The following GNAL variants were observed in gnomAD, a reference collection of about 807,000 sequenced individuals.
GNAL encodes G protein subunit alpha L, also known as guanine nucleotide-binding protein G(olf) subunit alpha.
A neutral mutation model predicts 55.1 loss-of-function variants in GNAL; 18 were observed. The observed-to-expected ratio is 0.33, with a 90% confidence interval of 0.23 to 0.48. The LOEUF is 0.48. GNAL is among the 20% of genes least tolerant of loss of function. The probability of loss-of-function intolerance (pLI) is 0.99; values close to 1 mark genes in which losing one functional copy is unlikely to be tolerated. For missense variants in GNAL, 412 were observed against 614.1 expected (o/e 0.67, Z 3.48); for synonymous variants, 253 against 237.0 (o/e 1.07, Z -0.62).
At position 11,862,698 on chromosome 18, in the gene GNAL, T is replaced by C. The variant is rs787554; in HGVS notation, c.777+249T>C. 0.68 allele frequency among the ~76,000 whole-genome samples: 103,563 copies of C among 151,936 alleles called. 37,654 individuals carry two copies. Among genetic ancestry groups the C allele is most frequent in the East Asian group, 0.9 (4,652 of 5,150 alleles). Reference sequence around the variant, plus strand: ...AATGAGTTTATCTGCAGATAAGGAATATGCCGTTCCTTTTCCTCCTGGAGC... The same window carrying C: ...AATGAGTTTATCTGCAGATAAGGAACATGCCGTTCCTTTTCCTCCTGGAGC... On this transcript the variant is annotated intron_variant, in intron 6 of 11. Transcript: ENST00000334049.
At chr18:11,786,348 A>G (rs2034055114) in intron 4 of GNAL, among the ~76,000 whole-genome samples, 1 of 148,434 alleles carries the variant, frequency 6.7e-6, no homozygotes, top group Admixed American at 6.7e-5. Context: ...AATTCATTTT[A>G]GAGGGTCAGA....
intron 4 of GNAL, among the ~76,000 whole-genome samples, chr18:11,760,831 C>G (rs2033216153): frequency 6.6e-6 from 1 of 152,214 alleles, no homozygotes; most frequent in African/African-American, 2.4e-5. Context: ...TGTTCAAATT[C>G]TAGCCCTGCC....
chr18:11,832,551 A>C (rs2035407809), intron 5 of GNAL, among the ~76,000 whole-genome samples: 1 of 152,184 alleles, frequency 6.6e-6, no homozygotes, highest in Non-Finnish European at 1.5e-5. Flanking sequence ...AATTTTTTGA[A>C]GGTCATTTTA....
At chr18:11,862,176 A>T (rs1159057544) in intron 5 of GNAL, among the ~76,000 whole-genome samples, 1 of 152,010 alleles carries the variant, frequency 6.6e-6, no homozygotes, top group Non-Finnish European at 1.5e-5. Context: ...GGCAACATTA[A>T]AAAAAAGAAA....
rs548917153 is a variant in GNAL, at chr18:11,810,150, G to T, written c.625-14768G>T. 2.0e-5 allele frequency among the ~76,000 whole-genome samples: 3 copies of T among 152,374 alleles called. No individual in the cohort carries two copies. The South Asian group carries it at 6.2e-4, about 32-fold the overall frequency. ...TCACGCCTATAATGTCAGCACTTTG[G>T]GAGGCCGAGACAGATGCATTGCTTG... is the stretch of plus-strand genomic sequence containing the variant. On this transcript the variant is annotated intron_variant, in intron 4 of 11. Coordinates refer to ENST00000334049, the MANE Select transcript of GNAL (RefSeq NM_182978.4).
chr18:11,814,573 T>C (rs1041325352), intron 4 of GNAL, among the ~76,000 whole-genome samples: 8 of 151,892 alleles, frequency 5.3e-5, no homozygotes, highest in Non-Finnish European at 1.2e-4. Flanking sequence ...AAACACCATA[T>C]GGTCTCATCA....
chr18:11,690,145 C>A (rs771173457), intron 1 of GNAL, among the ~76,000 whole-genome samples: 48 of 151,372 alleles, frequency 3.2e-4, no homozygotes, highest in Non-Finnish European at 4.9e-4. Context: ...CCTGACCTAG[C>A]CGGGAGGACA....
chr18:11,772,423 A>G (rs2033662161), intron 4 of GNAL, among the ~76,000 whole-genome samples: 1 of 152,190 alleles, frequency 6.6e-6, no homozygotes, highest in Non-Finnish European at 1.5e-5. Context: ...CTTCAATTCC[A>G]TGCCCATCAG....
chr18:11,744,811 A>T (rs1036963697), intron 1 of GNAL, among the ~76,000 whole-genome samples: 3 of 152,226 alleles, frequency 2.0e-5, no homozygotes, highest in African/African-American at 7.2e-5. Flanking sequence ...CCTGGGCTCC[A>T]GCAATCCTCC....
At chr18:11,712,475 C>T (rs73944242) in intron 1 of GNAL, among the ~76,000 whole-genome samples, 1,778 of 152,312 alleles carry the variant, frequency 0.012, 31 homozygotes, top group African/African-American at 0.041. Context: ...TATTTTGTTA[C>T]ATCAATTTTT....
At chr18:11,826,770 T>C (rs1029167668) in intron 5 of GNAL, among the ~76,000 whole-genome samples, 8 of 151,972 alleles carry the variant, frequency 5.3e-5, no homozygotes, top group African/African-American at 1.9e-4. Flanking sequence ...TTTGGAGAAG[T>C]TGAGTTTGAG....
chr18:11,820,979 C>T (rs1004954400), intron 4 of GNAL, among the ~76,000 whole-genome samples: 4 of 152,216 alleles, frequency 2.6e-5, no homozygotes, highest in Non-Finnish European at 5.9e-5. Context: ...TTCTCTCAGG[C>T]TTCAGCTCAA....
intron 5 of GNAL, among the ~76,000 whole-genome samples, chr18:11,838,955 C>G (rs2035554793): frequency 6.6e-6 from 1 of 152,158 alleles, no homozygotes; most frequent in African/African-American, 2.4e-5. Context: ...TTGTTCTTCT[C>G]CATGCAGTGC....
chr18:11,826,940 G>A (rs1436655295), intron 5 of GNAL, among the ~76,000 whole-genome samples: 1 of 152,174 alleles, frequency 6.6e-6, no homozygotes. Flanking sequence ...CCGCAGAGAG[G>A]CAAGGGCTCT....
chr18:11,807,847 T>G (rs186826456), intron 4 of GNAL, among the ~76,000 whole-genome samples: 1 of 152,130 alleles, frequency 6.6e-6, no homozygotes, highest in Non-Finnish European at 1.5e-5. Context: ...TGAGCAAAAG[T>G]GGCCATGATG....
At chr18:11,856,738 C>T (rs2036016142) in intron 5 of GNAL, among the ~76,000 whole-genome samples, 1 of 151,110 alleles carries the variant, frequency 6.6e-6, no homozygotes, top group African/African-American at 2.5e-5. Flanking sequence ...CCAGCCTGGC[C>T]AACAGGGTGA....
Position 11,884,719 on chromosome 18 carries a change from A to C in GNAL, c.*3584A>C. 1 of 1,415,164 alleles carries C rather than the reference A, an allele frequency of 7.1e-7. No homozygotes were observed. Among genetic ancestry groups the C allele is most frequent in the Non-Finnish European group, 9.7e-7 (1 of 1,029,526 alleles). 87.7% of individuals were successfully genotyped at this position (1,415,164 alleles called of 1,614,324 possible). ...ACAGCAGAGGGAAGACTGCCTTCTC[A>C]GGTCCCCCTCAGGTGAGGCAGGGAA... On this transcript the variant is annotated 3_prime_UTR_variant, in exon 12 of 12. Coordinates refer to ENST00000334049, the MANE Select transcript of GNAL (RefSeq NM_182978.4).
rs750891634 is a variant in GNAL, at chr18:11,689,813, G to GAGGAGCGCGAGGCGGCCA, written c.266_283dup (p.Ala89_Ala94dup). ...GCAGCGCACCGAGCAGCTGAGTGCC[G>GAGGAGCGCGAGGCGGCCA]AGGAGCGCGAGGCGGCCAAGGAGCG... On this transcript the variant is annotated inframe_insertion, in exon 1 of 12. Transcript: ENST00000334049. The GAGGAGCGCGAGGCGGCCA allele has an allele frequency of 3.9e-4, 596 of 1,537,556 alleles. 1 individual carries two copies. The highest frequency in any genetic ancestry group is 3.0e-3 in the South Asian group (247 of 83,060).
rs144182433 is a variant in GNAL, at chr18:11,733,751, G to A, written c.377-19102G>A. On this transcript the variant is annotated intron_variant, in intron 1 of 11. Transcript: ENST00000334049. ...TGGAAGAACAGACATTAGAGAGGCA[G>A]GATGTGAGGGAGGGAGGGACGATTA... 7.0e-3 allele frequency among the ~76,000 whole-genome samples: 1,058 copies of A among 152,180 alleles called. 9 individuals are homozygous for A. The highest frequency in any genetic ancestry group is 0.024 in the African/African-American group (1,001 of 41,516).
Sources: allele counts gnomAD v4.1 joint callset (sites outside exome capture counted in the v4.1 genomes callset), GRCh38; gene constraint gnomAD v4.1.1; transcripts MANE v1.5; gene names NCBI Gene and HGNC (gene_info 2026-07-23, HGNC 2026-07-21).